LRRK2: variants seen among roughly 807,000 people sequenced by gnomAD.
LRRK2 encodes the protein leucine rich repeat kinase 2, also known as leucine-rich repeat serine/threonine-protein kinase 2.
In LRRK2, 203 loss-of-function variants were observed where a neutral mutation model predicts 302.6. The observed-to-expected ratio is 0.67, with a 90% CI of 0.60 to 0.75. The LOEUF (loss-of-function observed/expected upper bound fraction) is 0.75. Ranked by LOEUF, LRRK2 falls within the 30% of genes least tolerant of loss-of-function variation. The pLI is 0.00. For synonymous variants in LRRK2, 1,066 were observed against 1,031.9 expected (o/e 1.03, Z -0.63); for missense variants, 2,830 against 2,951.0 (o/e 0.96, Z 0.95).
intron 21 of LRRK2, among the ~76,000 whole-genome samples, chr12:40,294,257 A>G (rs1319701446): frequency 6.6e-6 from 1 of 151,074 alleles, no homozygotes; most frequent in Non-Finnish European, 1.5e-5. Context: ...TATTATTTCA[A>G]CCTCTTGTCT....
rs771076867 is a variant in LRRK2 at position 40,298,362 on chromosome 12, C to G, written c.3216C>G (p.Pro1072=). 1 of 1,613,888 alleles carries G rather than the reference C, an allele frequency of 6.2e-7. No homozygotes were observed. Among genetic ancestry groups the G allele is most frequent in the Middle Eastern group, 1.6e-4 (1 of 6,062 alleles). ...ATGTCTCTCGAAATGACATTGGACC[C>G]TCAGTGGTTTTAGATCCTACAGTGA... ...NLDVSRNDIG[P]SVVLDPTVKC... Residue 1072 remains proline (P), a synonymous_variant, in exon 24 of 51, where the codon CCC becomes CCG. Coordinates refer to ENST00000298910, the MANE Select transcript of LRRK2 (RefSeq NM_198578.4).
chr12:40,314,269 G>A, intron 32 of LRRK2, 96 bp downstream of exon 32: 1 of 1,263,444 alleles, frequency 7.9e-7, no homozygotes, highest in Non-Finnish European at 1.1e-6. Flanking sequence ...AAAGTTGAGA[G>A]AATATCCATA....
chr12:40,236,973 T>C (rs1401671334), intron 4 of LRRK2, among the ~76,000 whole-genome samples: 2 of 152,160 alleles, frequency 1.3e-5, no homozygotes, highest in African/African-American at 4.8e-5. Context: ...CATACAGTAC[T>C]ACTACTCCTA....
rs1946253598 is a variant in LRRK2, at chr12:40,348,213, A to G, written c.6281-196A>G. ...TCTCTTTTTATTCCATAAAAAAAAA[A>G]TCTTTTCCACATCTCTTAGTGGAGA... is the stretch of plus-strand genomic sequence containing the variant. On this transcript the variant is annotated intron_variant, in intron 42 of 50. Coordinates refer to ENST00000298910, the MANE Select transcript of LRRK2 (RefSeq NM_198578.4). Among the ~76,000 whole-genome samples the G allele has an allele frequency of 6.0e-5, 9 of 150,638 alleles. No individual in the cohort carries two copies. The South Asian group carries it at 1.7e-3, about 28-fold the overall frequency.
intron 49 of LRRK2, chr12:40,366,519 A>G (rs755253714): frequency 2.4e-5 from 4 of 164,418 alleles, no homozygotes; most frequent in Admixed American, 6.1e-5. Flanking sequence ...TAGGGCCTAC[A>G]TAGAAGACTT....
At chr12:40,366,007 C>T (rs1181834465) in intron 49 of LRRK2, 2 of 151,850 alleles carry the variant, frequency 1.3e-5, no homozygotes, top group East Asian at 3.9e-4. Flanking sequence ...CTTTGGGACC[C>T]AAATAGCTTG....
At chr12:40,251,650 T>G in intron 10 of LRRK2, 106 bp downstream of exon 10, 1 of 1,019,182 alleles carries the variant, frequency 9.8e-7, no homozygotes, top group South Asian at 1.4e-5. Flanking sequence ...ATTTTTGATA[T>G]AGGCATTTAG....
At chr12:40,318,077 A>T (rs1945281200) in intron 33 of LRRK2, among the ~76,000 whole-genome samples, 1 of 152,050 alleles carries the variant, frequency 6.6e-6, no homozygotes, top group Admixed American at 6.6e-5. Context: ...GTGATCACAG[A>T]ATAATTAGAC....
At chr12:40,279,111 G>A (rs567730136) in intron 18 of LRRK2, among the ~76,000 whole-genome samples, 2 of 150,334 alleles carry the variant, frequency 1.3e-5, no homozygotes, top group Non-Finnish European at 3.0e-5. Flanking sequence ...CATTCAGGTA[G>A]CACTATGTCT....
At chr12:40,232,485 G>C (rs898949684) in intron 3 of LRRK2, 102 bp downstream of exon 3, 12 of 824,434 alleles carry the variant, frequency 1.5e-5, no homozygotes, top group Middle Eastern at 2.2e-4. Flanking sequence ...GGCTACTCCT[G>C]TGGAATTCTT....
At chr12:40,298,208 G>A (rs755467834) in intron 23 of LRRK2, 35 bp from the exon 24 acceptor site, 3 of 1,607,502 alleles carry the variant, frequency 1.9e-6, no homozygotes, top group South Asian at 2.2e-5. Flanking sequence ...TCCTCAGATG[G>A]TTCACTTTAG....
In LRRK2 at chr12:40,346,853, A is replaced by C. The variant is rs149694980; in HGVS notation, c.6210A>C (p.Gly2070=). 1 of 1,613,776 alleles carries C rather than the reference A, an allele frequency of 6.2e-7. No individual in the cohort carries two copies. Among genetic ancestry groups the C allele is most frequent in the Non-Finnish European group, 8.5e-7 (1 of 1,179,790 alleles). Residue 2070 remains glycine (G), a synonymous_variant, in exon 42 of 51, where the codon GGA becomes GGC. Coordinates refer to ENST00000298910, the MANE Select transcript of LRRK2 (RefSeq NM_198578.4). The stretch of plus-strand genomic sequence containing the variant: ...TACTCTATGACATTTTGACAACTGG[A>C]GGTAGAATAGTAGAGGGTTTGAAGT... ...GLLLYDILTT[G]GRIVEGLKFP...
At chr12:40,266,512 G>T (rs897845075) in intron 14 of LRRK2, among the ~76,000 whole-genome samples, 1 of 152,124 alleles carries the variant, frequency 6.6e-6, no homozygotes, top group African/African-American at 2.4e-5. Flanking sequence ...ACAGATGCTG[G>T]AGAGGATGTG....
At position 40,254,481 on chromosome 12, in the gene LRRK2, C is replaced by T. The variant is rs146375916; in HGVS notation, c.1288+1465C>T. ...AGGGGAAGGAGAGGGAATCGCTGTT[C>T]TCGAATCTCTCTTATTCTACTGTGC... On this transcript the variant is annotated intron_variant, in intron 11 of 50. Transcript: ENST00000298910. 3.6e-3 allele frequency among the ~76,000 whole-genome samples: 545 copies of T among 152,262 alleles called. 3 individuals carry two copies. Among genetic ancestry groups the T allele is most frequent in the Middle Eastern group, 0.031 (9 of 294 alleles).
At chr12:40,307,355 T>C (rs1432284826) in intron 28 of LRRK2, among the ~76,000 whole-genome samples, 2 of 152,066 alleles carry the variant, frequency 1.3e-5, no homozygotes, top group African/African-American at 4.8e-5. Context: ...GGCAACATTT[T>C]AACATATTTC....
In LRRK2 at chr12:40,232,255, A is replaced by G. The variant is rs540841916; in HGVS notation, c.238-19A>G. The G allele has an allele frequency of 2.1e-5, 32 of 1,543,162 alleles. 1 individual carries two copies. The South Asian group carries it at 3.3e-4, about 16-fold the overall frequency. On this transcript the variant is annotated intron_variant, in intron 2 of 50. Transcript: ENST00000298910. ...AACATTCTTTAAAACATGTGAATAT[A>G]TGTCTTTCTTGTTTTCAGGTGGGTT...
At chr12:40,266,197 C>T (rs2136555973) in intron 14 of LRRK2, among the ~76,000 whole-genome samples, 1 of 151,620 alleles carries the variant, frequency 6.6e-6, no homozygotes, top group African/African-American at 2.4e-5. Flanking sequence ...AAAGAAACTA[C>T]CATCAGAGTG....
At chr12:40,285,636 A>G (rs967881586) in intron 19 of LRRK2, among the ~76,000 whole-genome samples, 2 of 152,096 alleles carry the variant, frequency 1.3e-5, no homozygotes, top group African/African-American at 4.8e-5. Context: ...AAAAATGCAC[A>G]TTAAAACATT....
At position 40,298,394 on chromosome 12, in the gene LRRK2, C is replaced by G. The variant is rs1555185207; in HGVS notation, c.3248C>G (p.Pro1083Arg). 1 of 1,613,668 alleles carries G rather than the reference C, an allele frequency of 6.2e-7. No individual in the cohort carries two copies. Among genetic ancestry groups the G allele is most frequent in the Non-Finnish European group, 8.5e-7 (1 of 1,179,948 alleles). The change falls in exon 24 of 51, where the codon CCA (proline) becomes CGA (arginine). Residue 1083 changes from proline to arginine, a missense_variant. By Grantham distance (103) the Pro-to-Arg change is moderately radical (BLOSUM62 -2). This residue lies in a region of LRRK2 where 2,121 missense variants were observed against 2,148.0 expected (regional missense o/e 0.99). Coordinates refer to ENST00000298910, the MANE Select transcript of LRRK2 (RefSeq NM_198578.4). ...SVVLDPTVKC[P>R]TLKQFNLSYN... is the part of the protein sequence containing the mutation. ...GTTTTAGATCCTACAGTGAAATGTCCAACTCTGAAACAGTTTAACCTGTCA... is the reference window on the plus strand; with the variant it reads ...GTTTTAGATCCTACAGTGAAATGTCGAACTCTGAAACAGTTTAACCTGTCA...
Sources: gnomAD v4.1 joint callset for allele counts (sites outside exome capture counted in the v4.1 genomes callset) on GRCh38, gnomAD v4.1.1 for gene constraint, gnomAD v4.1.1 regional missense constraint, MANE v1.5 for transcripts, NCBI Gene and HGNC (gene_info 2026-07-23, HGNC 2026-07-21) for gene names.